CLASP2: variants seen among roughly 807,000 people sequenced by gnomAD.
CLASP2 encodes cytoplasmic linker associated protein 2, also known as CLIP-associating protein 2.
Under a neutral mutation model 194.4 loss-of-function variants are expected in CLASP2, and 47 were observed. The observed-to-expected ratio is 0.24, with a 90% CI of 0.19 to 0.31. The LOEUF (loss-of-function observed/expected upper bound fraction) is 0.31. Ranked by LOEUF, CLASP2 falls within the 10% of genes least tolerant of loss-of-function variation. CLASP2 has a pLI of 1.00. For missense variants in CLASP2, 1,445 were observed against 1,823.6 expected (o/e 0.79, Z 3.78); for synonymous variants, 619 against 633.5 (o/e 0.98, Z 0.34).
intron 34 of CLASP2, 101 bp from the exon 35 acceptor site, chr3:33,517,275 T>C: frequency 2.2e-6 from 2 of 890,722 alleles, no homozygotes; most frequent in South Asian, 2.4e-5. Context: ...ATAACCATCA[T>C]GTTTGCTGTA....
chr3:33,592,644 T>C (rs1290534110), intron 20 of CLASP2, 148 bp from the exon 21 acceptor site: 21 of 713,356 alleles, frequency 2.9e-5, no homozygotes, highest in Admixed American at 2.3e-4. Flanking sequence ...TTAAAAATTT[T>C]ATAAACAGTA....
chr3:33,529,082 A>G (rs1281941107), intron 34 of CLASP2, among the ~76,000 whole-genome samples: 5 of 152,198 alleles, frequency 3.3e-5, no homozygotes, highest in Non-Finnish European at 7.3e-5. Flanking sequence ...AACTGCCATA[A>G]AAAGAATAAA....
intron 8 of CLASP2, among the ~76,000 whole-genome samples, chr3:33,633,128 A>G (rs1216313599): frequency 6.6e-6 from 1 of 152,150 alleles, no homozygotes; most frequent in Non-Finnish European, 1.5e-5. Context: ...TCATTCCAGG[A>G]GCAGCACCTG....
intron 29 of CLASP2, among the ~76,000 whole-genome samples, chr3:33,556,541 T>A (rs904046783): frequency 5.9e-5 from 9 of 151,984 alleles, no homozygotes; most frequent in Non-Finnish European, 1.3e-4. Context: ...GTTCAAGCGA[T>A]TCTCCTGCCT....
At chr3:33,574,482 T>G (rs1290753872) in intron 24 of CLASP2, 2 of 1,509,862 alleles carry the variant, frequency 1.3e-6, no homozygotes, top group Non-Finnish European at 1.8e-6. Context: ...CCTTAGTCCG[T>G]ATGTCTCCTA....
intron 1 of CLASP2, among the ~76,000 whole-genome samples, chr3:33,712,067 C>A (rs539041367): frequency 6.6e-6 from 1 of 152,098 alleles, no homozygotes; most frequent in Non-Finnish European, 1.5e-5. Flanking sequence ...GGGACATGCA[C>A]GTTTATAGCA....
chr3:33,633,566 G>A (rs934586413), intron 8 of CLASP2, among the ~76,000 whole-genome samples: 1 of 152,102 alleles, frequency 6.6e-6, no homozygotes, highest in African/African-American at 2.4e-5. Context: ...TTTGAGAACC[G>A]TCGATATTAG....
intron 24 of CLASP2, 67 bp downstream of exon 24, chr3:33,576,102 C>T (rs1320474526): frequency 2.6e-5 from 32 of 1,230,148 alleles, no homozygotes; most frequent in Non-Finnish European, 3.3e-5. Flanking sequence ...CATGGATAGA[C>T]TGGCCTACTC....
At chr3:33,673,157 G>A (rs2154339033) in intron 6 of CLASP2, among the ~76,000 whole-genome samples, 1 of 152,314 alleles carries the variant, frequency 6.6e-6, no homozygotes, top group South Asian at 2.1e-4. Context: ...CACCAAGGTT[G>A]AAATGAAGGA....
At chr3:33,672,286 C>T (rs186709521) in intron 6 of CLASP2, among the ~76,000 whole-genome samples, 8 of 152,306 alleles carry the variant, frequency 5.3e-5, no homozygotes, top group South Asian at 2.1e-4. Context: ...TCGCGGTTCA[C>T]GAAAAACCAC....
At chr3:33,646,942 T>A (rs1471067616) in intron 7 of CLASP2, among the ~76,000 whole-genome samples, 1 of 152,210 alleles carries the variant, frequency 6.6e-6, no homozygotes, top group Non-Finnish European at 1.5e-5. Context: ...AAATGAATCA[T>A]ACAATATGTA....
intron 1 of CLASP2, among the ~76,000 whole-genome samples, chr3:33,710,908 C>G (rs1210959453): frequency 6.6e-6 from 1 of 152,224 alleles, no homozygotes; most frequent in Non-Finnish European, 1.5e-5. Flanking sequence ...GCACTCCAGC[C>G]TGGCGACTGA....
rs2085620438 is a variant in CLASP2, at chr3:33,663,372, T to C, written c.715+73A>G. ...AAAATCAACTCTTTTGAATCAGTGA[T>C]ATATAATACATTTTAGTGCCTAAAA... On this transcript the variant is annotated intron_variant, in intron 7 of 38. Transcript: ENST00000682230. 3 of 1,075,122 alleles carry C rather than the reference T, an allele frequency of 2.8e-6. No homozygotes were observed. In the South Asian group the frequency reaches 4.5e-5, roughly 16 times the overall value. The allele number at this position is 1,075,122 out of a possible 1,614,324, so 66.6% of individuals were successfully genotyped here. A position where few individuals can be genotyped will look rare whatever the true frequency, so the allele number is the denominator to read the frequency against.
chr3:33,656,666 G>T (rs2084272605), intron 7 of CLASP2, among the ~76,000 whole-genome samples: 1 of 152,124 alleles, frequency 6.6e-6, no homozygotes, highest in South Asian at 2.1e-4. Context: ...ACAAACACAT[G>T]TAGTTTGTAC....
At chr3:33,548,169 T>TTCTA (rs764467760) in intron 30 of CLASP2, among the ~76,000 whole-genome samples, 111 of 152,318 alleles carry the variant, frequency 7.3e-4, no homozygotes, top group Non-Finnish European at 1.3e-3. Context: ...GTTTGTATTT[T>TTCTA]TCTAGGAATT....
At chr3:33,571,394 C>A (rs1228843043) in intron 25 of CLASP2, among the ~76,000 whole-genome samples, 1 of 151,428 alleles carries the variant, frequency 6.6e-6, no homozygotes, top group Admixed American at 6.6e-5. Context: ...TTTGGAAGGT[C>A]GAGGTGGGCA....
chr3:33,577,556 G>GT (rs1211689421), intron 23 of CLASP2, among the ~76,000 whole-genome samples: 2 of 151,264 alleles, frequency 1.3e-5, no homozygotes, highest in African/African-American at 4.9e-5. Context: ...ACATTATAGT[G>GT]TAAAAAAAAA....
At position 33,622,124 on chromosome 3, in the gene CLASP2, A is replaced by G; in HGVS notation, c.1181+11T>C. The stretch of plus-strand genomic sequence containing the variant: ...CATAAAAAACACTTATCATAAAAGG[A>G]ATATACTTACGCTACAGTAATACAA... On this transcript the variant is annotated intron_variant, in intron 11 of 38. Coordinates refer to ENST00000682230, the MANE Select transcript of CLASP2 (RefSeq NM_001365631.1). 1 of 1,557,594 alleles carries G rather than the reference A, an allele frequency of 6.4e-7. No homozygotes were observed. The highest frequency in any genetic ancestry group is 8.7e-7 in the Non-Finnish European group (1 of 1,155,352).
intron 5 of CLASP2, among the ~76,000 whole-genome samples, chr3:33,684,794 G>A (rs1346964471): frequency 6.6e-6 from 1 of 151,692 alleles, no homozygotes; most frequent in Non-Finnish European, 1.5e-5. Context: ...GATGTCAGGA[G>A]TTTGAGACCA....
Sources: allele counts gnomAD v4.1 joint callset (sites outside exome capture counted in the v4.1 genomes callset), GRCh38; gene constraint gnomAD v4.1.1; transcripts MANE v1.5; gene names NCBI Gene and HGNC (gene_info 2026-07-23, HGNC 2026-07-21).